TUBGCP3: variants seen among roughly 807,000 people sequenced by gnomAD.
TUBGCP3 encodes gamma-tubulin complex component 3.
TUBGCP3 carries 50 observed loss-of-function variants against 123.1 expected under a neutral mutation model. That is an observed-to-expected ratio of 0.41 (90% CI 0.32 to 0.51). TUBGCP3 has a LOEUF of 0.51. TUBGCP3 is among the 20% of genes least tolerant of loss of function. TUBGCP3 has a pLI of 0.36. For synonymous variants in TUBGCP3, 405 were observed against 413.9 expected (o/e 0.98, Z 0.26); for missense variants, 882 against 1,127.0 (o/e 0.78, Z 3.11).
At chr13:112,488,115 G>C (rs1035563171) in intron 21 of TUBGCP3, among the ~76,000 whole-genome samples, 2 of 140,728 alleles carry the variant, frequency 1.4e-5, no homozygotes, top group Admixed American at 7.4e-5. Flanking sequence ...CTGGGTGACA[G>C]AGCAAGACTT....
chr13:112,528,702 TA>T (rs1308876806), intron 11 of TUBGCP3, among the ~76,000 whole-genome samples: 3 of 152,236 alleles, frequency 2.0e-5, no homozygotes, highest in African/African-American at 7.2e-5. Flanking sequence ...AGTTCTGATC[TA>T]TTTTTTTGTT....
At chr13:112,506,578 G>A (rs1421564492) in intron 17 of TUBGCP3, among the ~76,000 whole-genome samples, 4 of 152,158 alleles carry the variant, frequency 2.6e-5, no homozygotes, top group Non-Finnish European at 5.9e-5. Flanking sequence ...CTGTAGCACA[G>A]CGTGCACTCC....
intron 8 of TUBGCP3, among the ~76,000 whole-genome samples, chr13:112,550,156 C>T (rs1472434517): frequency 1.3e-5 from 2 of 152,130 alleles, no homozygotes; most frequent in East Asian, 3.9e-4. Flanking sequence ...GGCAGCTCTG[C>T]TGTTCAAGGA....
intron 21 of TUBGCP3, 112 bp from the exon 22 acceptor site, chr13:112,486,263 C>T: frequency 7.4e-7 from 1 of 1,342,592 alleles, no homozygotes; most frequent in Non-Finnish European, 1.0e-6. Context: ...TCCAGATCAA[C>T]AGGCCCTTAG....
At chr13:112,513,165 AG>A (rs1227186836) in intron 17 of TUBGCP3, among the ~76,000 whole-genome samples, 1 of 152,242 alleles carries the variant, frequency 6.6e-6, no homozygotes, top group Non-Finnish European at 1.5e-5. Flanking sequence ...ATACAGGCTC[AG>A]TTACCTGTAT....
Position 112,588,027 on chromosome 13 carries a change from C to A in TUBGCP3, c.-47G>T, listed in dbSNP as rs922834824. ...GTGGTCCGGGCAGAGCCGCCACTGC[C>A]GCCGCACGCGCAGGGACCGCGGCCC... On this transcript the variant is annotated 5_prime_UTR_variant, in exon 1 of 22. Coordinates refer to ENST00000261965, the MANE Select transcript of TUBGCP3 (RefSeq NM_006322.6). The A allele has an allele frequency of 1.4e-6, 2 of 1,382,814 alleles. No homozygotes were observed. The highest frequency in any genetic ancestry group is 1.9e-6 in the Non-Finnish European group (2 of 1,052,220). 85.7% of individuals were successfully genotyped at this position (1,382,814 alleles called of 1,614,324 possible). A position where few individuals can be genotyped will look rare whatever the true frequency, so the allele number is the denominator to read the frequency against.
At chr13:112,541,384 A>T (rs1359185555) in intron 11 of TUBGCP3, among the ~76,000 whole-genome samples, 1 of 152,120 alleles carries the variant, frequency 6.6e-6, no homozygotes, top group African/African-American at 2.4e-5. Flanking sequence ...TCTACTAAAA[A>T]TATGAAAATT....
upstream of TUBGCP3, among the ~76,000 whole-genome samples, chr13:112,592,537 A>G (rs905895591): frequency 2.6e-5 from 4 of 152,226 alleles, no homozygotes; most frequent in Non-Finnish European, 4.4e-5. The surrounding 1 kb of genome is among the most constrained non-coding windows in gnomAD (Gnocchi z 4.1). Flanking sequence ...CTCACTGCCC[A>G]GAGAGCCCCT....
intron 8 of TUBGCP3, 105 bp from the exon 9 acceptor site, chr13:112,548,281 T>G (rs559933492): frequency 5.6e-6 from 4 of 710,510 alleles, no homozygotes; most frequent in Middle Eastern, 2.6e-4. Flanking sequence ...GGTGGGGTGC[T>G]ACAAGATTTA....
chr13:112,550,471 G>A (rs936430156), intron 8 of TUBGCP3, among the ~76,000 whole-genome samples: 3 of 152,142 alleles, frequency 2.0e-5, no homozygotes, highest in African/African-American at 7.2e-5. Flanking sequence ...AGGTGTGCAA[G>A]AAGAAACGTC....
At position 112,489,617 on chromosome 13, in the gene TUBGCP3, C is replaced by T; in HGVS notation, c.2529G>A (p.Met843Ile). 1.9e-6 allele frequency: 3 copies of T among 1,614,248 alleles called. No individual in the cohort carries two copies. The highest frequency in any genetic ancestry group is 2.5e-6 in the Non-Finnish European group (3 of 1,180,030). ...GGGTCAATATTCGCAACTGTGAGCA[C>T]ATTTTTGGTATAGATTCTTTAAATT... ...IGEFKESIPK[M>I]CSQLRILTHF... is the part of the protein sequence containing the mutation. The change falls in exon 21 of 22, where the codon ATG (methionine) becomes ATA (isoleucine). Residue 843 changes from methionine to isoleucine, a missense_variant. This residue lies in a region of TUBGCP3 where 160 missense variants were observed against 220.3 expected (regional missense o/e 0.73). Transcript: ENST00000261965.
intron 8 of TUBGCP3, among the ~76,000 whole-genome samples, chr13:112,551,082 G>C (rs530550606): frequency 6.6e-6 from 1 of 151,944 alleles, no homozygotes; most frequent in Non-Finnish European, 1.5e-5. Context: ...CTGGGTGACA[G>C]AGCGAGACGA....
At chr13:112,491,616 C>T (rs563610667) in intron 20 of TUBGCP3, among the ~76,000 whole-genome samples, 1 of 152,340 alleles carries the variant, frequency 6.6e-6, no homozygotes, top group South Asian at 2.1e-4. Flanking sequence ...ACTCGTTCTA[C>T]ACCAGAACTT....
chr13:112,547,022 G>A (rs2139174918), intron 10 of TUBGCP3: 1 of 159,068 alleles, frequency 6.3e-6, no homozygotes, highest in South Asian at 2.0e-4. Flanking sequence ...CGAGGGAGAA[G>A]GCAAAGAGGT....
intron 21 of TUBGCP3, among the ~76,000 whole-genome samples, chr13:112,488,425 A>G (rs927896353): frequency 2.0e-5 from 3 of 152,192 alleles, no homozygotes; most frequent in Non-Finnish European, 4.4e-5. Flanking sequence ...AGACATGCAG[A>G]GCAGCCGTCC....
In TUBGCP3 at chr13:112,524,675, G is replaced by A. The variant is rs145440462; in HGVS notation, c.1556-2166C>T. Among the ~76,000 whole-genome samples the A allele has an allele frequency of 4.7e-3, 716 of 152,276 alleles. 3 individuals are homozygous for A. Among genetic ancestry groups the A allele is most frequent in the Non-Finnish European group, 7.1e-3 (484 of 68,016 alleles). Reference sequence around the variant, plus strand: ...ATTATGTCTGAATGCTTTAGGGTGAGAGGGCCCATGGCTCTCACATGCCTG... The same window carrying A: ...ATTATGTCTGAATGCTTTAGGGTGAAAGGGCCCATGGCTCTCACATGCCTG... On this transcript the variant is annotated intron_variant, in intron 13 of 21. Transcript: ENST00000261965. This position sits in a 1 kb window ranked among gnomAD's most constrained non-coding sequence, Gnocchi z 4.4.
At chr13:112,526,507 TCAC>T (rs948496343) in intron 13 of TUBGCP3, among the ~76,000 whole-genome samples, 12 of 145,382 alleles carry the variant, frequency 8.3e-5, no homozygotes, top group African/African-American at 2.1e-4. Flanking sequence ...ACCATCAACA[TCAC>T]CACCATCACT....
chr13:112,579,281 A>T (rs1412743997), intron 1 of TUBGCP3, among the ~76,000 whole-genome samples: 1 of 151,734 alleles, frequency 6.6e-6, no homozygotes, highest in African/African-American at 2.4e-5. Flanking sequence ...TGCTGAGTGC[A>T]GGTGGGGCCA....
chr13:112,550,588 A>T lies in TUBGCP3; in HGVS notation c.967-2412T>A, dbSNP rs140760266. Among the ~76,000 whole-genome samples the T allele has an allele frequency of 8.9e-3, 1,359 of 152,316 alleles. 17 individuals carry two copies. Among genetic ancestry groups the T allele is most frequent in the African/African-American group, 0.031 (1,276 of 41,562 alleles). ...GTATGAACCTCTAGGCTCATCTACA[A>T]AGGGAGGAAGAATAAATGCGGTAAC... On this transcript the variant is annotated intron_variant, in intron 8 of 21. Coordinates refer to ENST00000261965, the MANE Select transcript of TUBGCP3 (RefSeq NM_006322.6).
Sources: gnomAD v4.1 joint callset for allele counts (sites outside exome capture counted in the v4.1 genomes callset) on GRCh38, gnomAD v4.1.1 for gene constraint, gnomAD v4.1.1 regional missense constraint, Gnocchi (gnomAD v3.1) non-coding constraint, MANE v1.5 for transcripts, NCBI Gene and HGNC (gene_info 2026-07-23, HGNC 2026-07-21) for gene names.